DCC: variants seen among roughly 807,000 people sequenced by gnomAD.
The protein encoded by DCC is DCC netrin 1 receptor.
A neutral mutation model predicts 172.5 loss-of-function variants in DCC; 58 were observed. The observed-to-expected ratio is 0.34, with a 90% CI of 0.27 to 0.42. DCC has a LOEUF of 0.42. DCC is among the 10% of genes least tolerant of loss of function. DCC has a pLI of 1.00. For synonymous variants in DCC, 709 were observed against 644.5 expected (o/e 1.10, Z -1.52); for missense variants, 1,740 against 1,791.0 (o/e 0.97, Z 0.51).
chr18:53,105,304 C>A (rs2043229073), intron 7 of DCC, among the ~76,000 whole-genome samples: 1 of 151,936 alleles, frequency 6.6e-6, no homozygotes, highest in African/African-American at 2.4e-5. Context: ...AAGTGGCAGA[C>A]TACTCTTGTT....
At chr18:52,542,956 T>G (rs1291976931) in intron 1 of DCC, among the ~76,000 whole-genome samples, 1 of 152,226 alleles carries the variant, frequency 6.6e-6, no homozygotes, top group African/African-American at 2.4e-5. Flanking sequence ...CTATTGAATA[T>G]TCGAAGCTGG....
At chr18:52,399,331 G>A (rs959780524) in intron 1 of DCC, among the ~76,000 whole-genome samples, 1 of 151,862 alleles carries the variant, frequency 6.6e-6, no homozygotes, top group Non-Finnish European at 1.5e-5. Flanking sequence ...GCATTGTCTG[G>A]TCAAGGCACT....
At chr18:52,762,946 A>G (rs1304795085) in intron 2 of DCC, among the ~76,000 whole-genome samples, 1 of 152,202 alleles carries the variant, frequency 6.6e-6, no homozygotes, top group African/African-American at 2.4e-5. Flanking sequence ...ATCCTAACTT[A>G]GGTTACCCAG....
intron 12 of DCC, among the ~76,000 whole-genome samples, chr18:53,294,108 G>A (rs1054211625): frequency 6.6e-6 from 1 of 152,136 alleles, no homozygotes; most frequent in Non-Finnish European, 1.5e-5. Context: ...AGAGAAAAGT[G>A]GTGGCATGTC....
chr18:52,506,318 T>G (rs1380781386), intron 1 of DCC, among the ~76,000 whole-genome samples: 1 of 152,168 alleles, frequency 6.6e-6, no homozygotes, highest in Non-Finnish European at 1.5e-5. Context: ...ATGTGAAGCA[T>G]ATGATTTATA....
At chr18:52,595,401 A>G (rs1200242237) in intron 1 of DCC, among the ~76,000 whole-genome samples, 1 of 152,164 alleles carries the variant, frequency 6.6e-6, no homozygotes, top group Non-Finnish European at 1.5e-5. Context: ...TCATTATAAT[A>G]GTTTTCCTGG....
At chr18:52,420,748 G>A (rs1987220624) in intron 1 of DCC, among the ~76,000 whole-genome samples, 1 of 152,104 alleles carries the variant, frequency 6.6e-6, no homozygotes, top group African/African-American at 2.4e-5. Flanking sequence ...GAAGAGGTGG[G>A]AACATTCTTG....
At chr18:53,484,229 T>C (rs964014236) in intron 25 of DCC, among the ~76,000 whole-genome samples, 11 of 151,976 alleles carry the variant, frequency 7.2e-5, no homozygotes, top group Non-Finnish European at 1.5e-4. Flanking sequence ...CTTGCAGAAG[T>C]ATTTGTTACT....
Position 53,123,457 on chromosome 18 carries a change from T to G in DCC, c.1262-33899T>G, listed in dbSNP as rs558659751. On this transcript the variant is annotated intron_variant, in intron 7 of 28. Transcript: ENST00000442544. ...AGCTAGAGAGATGAACAGCAGCAGTTCCCAGAGGCCCTGCAAGTCATTCTA... is the reference window on the plus strand; with the variant it reads ...AGCTAGAGAGATGAACAGCAGCAGTGCCCAGAGGCCCTGCAAGTCATTCTA... Among the ~76,000 whole-genome samples, 5 of 152,108 alleles carry G rather than the reference T, an allele frequency of 3.3e-5. No individual in the cohort carries two copies. The South Asian group carries it at 1.0e-3, about 32-fold the overall frequency.
chr18:53,074,306 G>C (rs937621147), intron 7 of DCC, among the ~76,000 whole-genome samples: 3 of 152,172 alleles, frequency 2.0e-5, no homozygotes, highest in Non-Finnish European at 4.4e-5. Flanking sequence ...GGTCCTTATA[G>C]TTTCCTCACA....
intron 2 of DCC, among the ~76,000 whole-genome samples, chr18:52,837,909 AG>A (rs1169124262): frequency 6.6e-6 from 1 of 152,192 alleles, no homozygotes; most frequent in East Asian, 1.9e-4. Flanking sequence ...TCATGGCAGA[AG>A]GGGAAGCAAA....
chr18:52,689,343 T>C (rs1477333217), intron 1 of DCC, among the ~76,000 whole-genome samples: 1 of 152,158 alleles, frequency 6.6e-6, no homozygotes, highest in Admixed American at 6.6e-5. Context: ...CATTTCATTT[T>C]AGGTAGCCTT....
chr18:53,022,284 T>C (rs2143924366), intron 5 of DCC, among the ~76,000 whole-genome samples: 1 of 152,236 alleles, frequency 6.6e-6, no homozygotes, highest in South Asian at 2.1e-4. Flanking sequence ...AGGGTCATAA[T>C]ATCTGGGCTT....
chr18:53,472,801 C>A (rs2045714090), intron 25 of DCC, among the ~76,000 whole-genome samples: 1 of 152,142 alleles, frequency 6.6e-6, no homozygotes, highest in South Asian at 2.1e-4. Context: ...CATGGCATCC[C>A]ACCCCATACA....
intron 15 of DCC, among the ~76,000 whole-genome samples, chr18:53,351,407 A>ATATATATACACAGTG (rs1568075142): frequency 5.2e-5 from 1 of 19,152 alleles, no homozygotes; most frequent in Non-Finnish European, 8.9e-5. Flanking sequence ...CAGTGTATAT[A>ATATATATACACAGTG]TATATATATA....
At chr18:53,228,007 T>C (rs2056060601) in intron 12 of DCC, among the ~76,000 whole-genome samples, 1 of 152,186 alleles carries the variant, frequency 6.6e-6, no homozygotes, top group Non-Finnish European at 1.5e-5. Context: ...TGAAGCTGAC[T>C]GTAGATTTTT....
At chr18:52,817,995 C>G (rs912380723) in intron 2 of DCC, 7 of 152,102 alleles carry the variant, frequency 4.6e-5, no homozygotes, top group Non-Finnish European at 8.8e-5. Flanking sequence ...TGCTACATGT[C>G]ATTGTTTTGA....
chr18:52,499,524 TGA>T, intron 1 of DCC, among the ~76,000 whole-genome samples: 2 of 152,182 alleles, frequency 1.3e-5, no homozygotes, highest in Non-Finnish European at 2.9e-5. Context: ...CCTGATCTTC[TGA>T]TGGAGTGTCC....
intron 2 of DCC, among the ~76,000 whole-genome samples, chr18:52,859,110 G>A (rs576447315): frequency 6.6e-6 from 1 of 152,092 alleles, no homozygotes; most frequent in Non-Finnish European, 1.5e-5. Flanking sequence ...AGAACAGCCT[G>A]GGCAACATAG....
Sources: gnomAD v4.1 joint callset for allele counts (sites outside exome capture counted in the v4.1 genomes callset) on GRCh38, gnomAD v4.1.1 for gene constraint, MANE v1.5 for transcripts, NCBI Gene and HGNC (gene_info 2026-07-23, HGNC 2026-07-21) for gene names.